The following ARHGAP20 variants were observed in gnomAD, a reference collection of about 807,000 sequenced individuals.
The protein encoded by ARHGAP20 is Rho GTPase activating protein 20, also known as rho GTPase-activating protein 20.
A neutral mutation model predicts 73.7 loss-of-function variants in ARHGAP20; 34 were observed. That is an observed-to-expected ratio of 0.46 (90% CI 0.35 to 0.61). The LOEUF is 0.61. ARHGAP20 is among the 20% of genes least tolerant of loss of function. The pLI is 0.00. For missense variants in ARHGAP20, 1,314 were observed against 1,420.9 expected (o/e 0.92, Z 1.21); for synonymous variants, 523 against 518.2 (o/e 1.01, Z -0.13).
intron 2 of ARHGAP20, among the ~76,000 whole-genome samples, chr11:110,677,760 A>T (rs1182135480): frequency 6.6e-6 from 1 of 152,228 alleles, no homozygotes; most frequent in African/African-American, 2.4e-5. Context: ...TGGAGAAATT[A>T]GAATGCTCAT....
intron 3 of ARHGAP20, among the ~76,000 whole-genome samples, chr11:110,627,093 T>C (rs1948760494): frequency 6.9e-6 from 1 of 144,174 alleles, no homozygotes; most frequent in Non-Finnish European, 1.5e-5. Context: ...CCTAAAAATA[T>C]ATATATTTTT....
Position 110,580,769 on chromosome 11 carries a change from A to T in ARHGAP20, c.2177T>A (p.Leu726Gln). Residue 726 changes from leucine to glutamine, a missense_variant, in exon 15 of 15, where the codon CTA becomes CAA. Coordinates refer to ENST00000683387, the MANE Select transcript of ARHGAP20 (RefSeq NM_001384657.1). ...AATTGCATCACAGCTGGACTTGCGT[A>T]GCTTTTTCTGATAAAACTCCCTGAG... is the stretch of plus-strand genomic sequence containing the variant. ...SYLREFYQKK[L>Q]RKSSCDAILS... is the part of the protein sequence containing the mutation. The T allele has an allele frequency of 6.2e-7, 1 of 1,613,778 alleles. No individual in the cohort carries two copies. The highest frequency in any genetic ancestry group is 8.5e-7 in the Non-Finnish European group (1 of 1,179,926).
intron 3 of ARHGAP20, among the ~76,000 whole-genome samples, chr11:110,628,516 TTAA>T (rs982637404): frequency 6.6e-6 from 1 of 152,166 alleles, no homozygotes; most frequent in Non-Finnish European, 1.5e-5. Flanking sequence ...GTGGCAGGAT[TTAA>T]TAATAATAAT....
intron 3 of ARHGAP20, among the ~76,000 whole-genome samples, chr11:110,625,034 T>TTA (rs1298770950): frequency 4.5e-4 from 32 of 70,732 alleles, no homozygotes; most frequent in African/African-American, 1.5e-3. Context: ...TTATTTTTAT[T>TTA]TTTTTTTTTT....
intron 1 of ARHGAP20, among the ~76,000 whole-genome samples, chr11:110,698,378 T>C (rs540832312): frequency 6.6e-6 from 1 of 151,984 alleles, no homozygotes; most frequent in South Asian, 2.1e-4. Flanking sequence ...AGCCTATAGT[T>C]TTTGTTTTCC....
At chr11:110,682,132 T>G (rs572599954) in intron 2 of ARHGAP20, among the ~76,000 whole-genome samples, 49 of 152,308 alleles carry the variant, frequency 3.2e-4, no homozygotes, top group African/African-American at 1.2e-3. Context: ...AATTTAACAT[T>G]AGACTCTAGC....
chr11:110,641,369 A>C (rs1004300423), intron 2 of ARHGAP20, among the ~76,000 whole-genome samples: 1 of 152,062 alleles, frequency 6.6e-6, no homozygotes, highest in Non-Finnish European at 1.5e-5. Flanking sequence ...ACCTTGACAC[A>C]GAAGTTGTTT....
intron 3 of ARHGAP20, among the ~76,000 whole-genome samples, chr11:110,627,726 G>A (rs554516706): frequency 2.6e-5 from 4 of 152,162 alleles, no homozygotes; most frequent in Admixed American, 1.3e-4. Context: ...GAGGGTGTGA[G>A]GTAAATACAG....
chr11:110,701,708 G>A (rs1321989963), intron 1 of ARHGAP20, among the ~76,000 whole-genome samples: 1 of 152,090 alleles, frequency 6.6e-6, no homozygotes, highest in African/African-American at 2.4e-5. Context: ...GGGTTTTTAT[G>A]GTTTTAGGTC....
chr11:110,680,564 C>T (rs1250333480), intron 2 of ARHGAP20, among the ~76,000 whole-genome samples: 1 of 152,004 alleles, frequency 6.6e-6, no homozygotes, highest in African/African-American at 2.4e-5. Flanking sequence ...GTAGTGCTTT[C>T]CTGGTGCCAA....
intron 2 of ARHGAP20, among the ~76,000 whole-genome samples, chr11:110,684,709 T>C (rs1591175416): frequency 6.6e-6 from 1 of 152,164 alleles, no homozygotes; most frequent in Admixed American, 6.6e-5. Flanking sequence ...ATGTGCTACA[T>C]ATATACCATG....
At position 110,581,233 on chromosome 11, in the gene ARHGAP20, A is replaced by C. The variant is rs1442206221; in HGVS notation, c.1721-8T>G. 1.9e-6 allele frequency: 3 copies of C among 1,595,756 alleles called. No homozygotes were observed. In the Admixed American group the frequency reaches 5.3e-5, roughly 28 times the overall value. ...GTTGAAAGCAAGAAATATCTGTCAAAAAAATTAAACCATGATTAACATATT... is the reference window on the plus strand; with the variant it reads ...GTTGAAAGCAAGAAATATCTGTCAACAAAATTAAACCATGATTAACATATT... On this transcript the variant is annotated splice_polypyrimidine_tract_variant and splice_region_variant and intron_variant, in intron 14 of 14. Coordinates refer to ENST00000683387, the MANE Select transcript of ARHGAP20 (RefSeq NM_001384657.1).
At chr11:110,695,029 C>T (rs893904686) in intron 1 of ARHGAP20, among the ~76,000 whole-genome samples, 11 of 151,554 alleles carry the variant, frequency 7.3e-5, no homozygotes, top group Admixed American at 2.0e-4. Flanking sequence ...GCAAACTACA[C>T]CTTTTGAACA....
chr11:110,606,284 CTGCTTAG>C (rs1301218133), intron 9 of ARHGAP20, among the ~76,000 whole-genome samples: 2 of 152,188 alleles, frequency 1.3e-5, no homozygotes, highest in East Asian at 1.9e-4. Context: ...ACCTGCAGCA[CTGCTTAG>C]TGCCTTTGAC....
At chr11:110,609,126 T>TTTGGTTA in intron 7 of ARHGAP20, 76 bp from the exon 8 acceptor site, 4 of 1,185,706 alleles carry the variant, frequency 3.4e-6, no homozygotes, top group East Asian at 2.6e-5. Context: ...TTTTTTTTTT[T>TTTGGTTA]TGGTTATGTG....
chr11:110,611,818 C>CAGG (rs10671645), intron 6 of ARHGAP20, among the ~76,000 whole-genome samples: 49,393 of 151,798 alleles, frequency 0.33, 8,490 homozygotes, highest in African/African-American at 0.43. Context: ...TTTCACAATA[C>CAGG]GTTTTATTTC....
chr11:110,643,583 ATCT>A (rs1949121176), intron 2 of ARHGAP20, among the ~76,000 whole-genome samples: 1 of 152,062 alleles, frequency 6.6e-6, no homozygotes. Context: ...GTTTTGAGAA[ATCT>A]TCTTGATACT....
intron 1 of ARHGAP20, among the ~76,000 whole-genome samples, chr11:110,692,146 G>A (rs1477898888): frequency 2.6e-5 from 4 of 152,010 alleles, no homozygotes; most frequent in Admixed American, 2.6e-4. Context: ...ACACCTCTTA[G>A]GAACATAATC....
intron 2 of ARHGAP20, among the ~76,000 whole-genome samples, chr11:110,657,128 G>C (rs1181968007): frequency 6.6e-6 from 1 of 152,072 alleles, no homozygotes; most frequent in African/African-American, 2.4e-5. Flanking sequence ...TAGAAATGAT[G>C]GTCTCTTGAG....
Sources: allele counts gnomAD v4.1 joint callset (sites outside exome capture counted in the v4.1 genomes callset), GRCh38; gene constraint gnomAD v4.1.1; transcripts MANE v1.5; gene names NCBI Gene and HGNC (gene_info 2026-07-23, HGNC 2026-07-21).